GRM7: variants seen among roughly 807,000 people sequenced by gnomAD.
The protein encoded by GRM7 is metabotropic glutamate receptor 7.
A neutral mutation model predicts 84.5 loss-of-function variants in GRM7; 35 were observed. That is an observed-to-expected ratio of 0.41 (90% CI 0.32 to 0.55). The LOEUF is 0.55. GRM7 is among the 20% of genes least tolerant of loss of function. The probability of loss-of-function intolerance (pLI) is 0.19; values close to 1 mark genes in which losing one functional copy is unlikely to be tolerated. For missense variants in GRM7, 1,003 were observed against 1,194.6 expected (o/e 0.84, Z 2.36); for synonymous variants, 487 against 455.1 (o/e 1.07, Z -0.89).
intron 5 of GRM7, among the ~76,000 whole-genome samples, chr3:7,422,542 T>A (rs1001750213): frequency 7.9e-5 from 12 of 152,166 alleles, no homozygotes; most frequent in Non-Finnish European, 1.5e-5. Context: ...AGTTTCTCCC[T>A]TCTCATCTGT....
chr3:7,400,836 ATTAC>A (rs1406433535), intron 4 of GRM7, among the ~76,000 whole-genome samples: 6 of 152,162 alleles, frequency 3.9e-5, no homozygotes, highest in Non-Finnish European at 8.8e-5. Context: ...CTTTGGGCAA[ATTAC>A]TTATTCTGTA....
intron 1 of GRM7, among the ~76,000 whole-genome samples, chr3:6,956,972 T>C (rs911359468): frequency 2.6e-5 from 4 of 152,240 alleles, no homozygotes; most frequent in African/African-American, 9.6e-5. Context: ...ACATCGAGTT[T>C]ACATCATGCT....
At chr3:7,587,906 A>G (rs1309936682) in intron 8 of GRM7, among the ~76,000 whole-genome samples, 1 of 152,118 alleles carries the variant, frequency 6.6e-6, no homozygotes, top group Non-Finnish European at 1.5e-5. Flanking sequence ...GAAAGAGGCC[A>G]GTGAACCCCT....
chr3:7,403,958 A>G (rs141708120), intron 4 of GRM7, among the ~76,000 whole-genome samples: 33 of 152,062 alleles, frequency 2.2e-4, no homozygotes, highest in African/African-American at 6.7e-4. Flanking sequence ...AAATTGCACA[A>G]TCGTATAGAG....
rs199948429 is a variant in GRM7 at position 7,685,788 on chromosome 3, T to TAA, written c.2698+5505_2698+5506dup. Among the ~76,000 whole-genome samples the TAA allele has an allele frequency of 5.7e-4, 81 of 142,384 alleles. 1 individual carries two copies. Among genetic ancestry groups the TAA allele is most frequent in the African/African-American group, 2.1e-3 (80 of 38,976 alleles). 93.4% of individuals were successfully genotyped at this position (142,384 alleles called of 152,430 possible). A position where few individuals can be genotyped will look rare whatever the true frequency, so the allele number is the denominator to read the frequency against. ...TGTCAATATAAGGAGGTATGTTATT[T>TAA]AAAAAAAAAAAAAGAAAGAAAAAGA... On this transcript the variant is annotated intron_variant, in intron 9 of 9. Transcript: ENST00000357716.
At chr3:7,606,995 G>A (rs997733423) in intron 8 of GRM7, 1 of 152,244 alleles carries the variant, frequency 6.6e-6, no homozygotes, top group East Asian at 1.9e-4. Context: ...AAGAAAATAA[G>A]CTCATCAAAA....
At chr3:7,460,855 A>C (rs1020846473) in intron 6 of GRM7, among the ~76,000 whole-genome samples, 4 of 152,160 alleles carry the variant, frequency 2.6e-5, no homozygotes, top group Non-Finnish European at 4.4e-5. Flanking sequence ...ACAGATATAG[A>C]TATAGGTATA....
chr3:7,493,259 A>G (rs11706752), intron 7 of GRM7, among the ~76,000 whole-genome samples: 55,920 of 151,848 alleles, frequency 0.37, 11,253 homozygotes, highest in East Asian at 0.65. Context: ...TGAACAGGAA[A>G]TGTTGAACTC....
chr3:7,518,892 T>A (rs1559375671), intron 7 of GRM7, among the ~76,000 whole-genome samples: 1 of 152,262 alleles, frequency 6.6e-6, no homozygotes, highest in Non-Finnish European at 1.5e-5. Context: ...AAGATTTAGC[T>A]GGTCGTTTTT....
At chr3:6,960,720 A>G (rs1001929143) in intron 1 of GRM7, among the ~76,000 whole-genome samples, 5 of 152,046 alleles carry the variant, frequency 3.3e-5, no homozygotes. Context: ...TCCTCTTCTG[A>G]CTTGAATAGA....
In GRM7 at chr3:7,365,649, A is replaced by G. The variant is rs534525728; in HGVS notation, c.1034-49374A>G. Among the ~76,000 whole-genome samples, 350 of 118,836 alleles carry G rather than the reference A, an allele frequency of 2.9e-3. 3 individuals are homozygous for G. Among genetic ancestry groups the G allele is most frequent in the Middle Eastern group, 0.013 (3 of 236 alleles). The allele number at this position is 118,836 out of a possible 152,430, so 78.0% of individuals were successfully genotyped here. ...TATGCATGTGTGTGTGCGTGTGTGT[A>G]TATATATATATATATACACACACGC... On this transcript the variant is annotated intron_variant, in intron 4 of 9. Coordinates refer to ENST00000357716, the MANE Select transcript of GRM7 (RefSeq NM_000844.4).
At chr3:7,562,290 G>A (rs775094470) in intron 7 of GRM7, among the ~76,000 whole-genome samples, 3 of 151,698 alleles carry the variant, frequency 2.0e-5, no homozygotes, top group Non-Finnish European at 4.4e-5. Context: ...GCATGGACAC[G>A]ATGTGCCAGG....
At chr3:7,424,673 G>C (rs1696531949) in intron 5 of GRM7, among the ~76,000 whole-genome samples, 1 of 152,150 alleles carries the variant, frequency 6.6e-6, no homozygotes, top group African/African-American at 2.4e-5. Flanking sequence ...TACTCAACAA[G>C]TGAATGACAA....
intron 1 of GRM7, among the ~76,000 whole-genome samples, chr3:7,030,741 G>A (rs1352720558): frequency 6.6e-6 from 1 of 152,114 alleles, no homozygotes; most frequent in Non-Finnish European, 1.5e-5. Flanking sequence ...GGAATTTAAT[G>A]GATTCCTTGC....
chr3:7,290,889 G>T (rs1699596292), intron 2 of GRM7, among the ~76,000 whole-genome samples: 1 of 151,948 alleles, frequency 6.6e-6, no homozygotes. Flanking sequence ...AGAGCTAGAG[G>T]CTAAGAAAGA....
chr3:7,271,582 AAAAG>A (rs1698865380), intron 2 of GRM7, among the ~76,000 whole-genome samples: 2 of 151,064 alleles, frequency 1.3e-5, no homozygotes, highest in South Asian at 2.1e-4. Context: ...AAAAAAAAAA[AAAAG>A]AAATGCAGAA....
At chr3:7,542,619 C>A in intron 7 of GRM7, among the ~76,000 whole-genome samples, 1 of 149,696 alleles carries the variant, frequency 6.7e-6, no homozygotes, top group East Asian at 2.0e-4. Flanking sequence ...ACAATCTTGG[C>A]TCACTGCAAA....
intron 7 of GRM7, among the ~76,000 whole-genome samples, chr3:7,532,528 T>C (rs1352439986): frequency 1.3e-5 from 2 of 152,052 alleles, no homozygotes; most frequent in Non-Finnish European, 2.9e-5. Context: ...TTTATTAGTC[T>C]GGCTAGCAGT....
chr3:7,095,937 G>A (rs1008302112), intron 1 of GRM7, among the ~76,000 whole-genome samples: 1 of 152,020 alleles, frequency 6.6e-6, no homozygotes, highest in African/African-American at 2.4e-5. Context: ...TAAAATATAT[G>A]TCATATATAT....
Sources: allele counts gnomAD v4.1 joint callset (sites outside exome capture counted in the v4.1 genomes callset), GRCh38; gene constraint gnomAD v4.1.1; transcripts MANE v1.5; gene names NCBI Gene and HGNC (gene_info 2026-07-23, HGNC 2026-07-21).